ENTREP3: variants seen among roughly 807,000 people sequenced by gnomAD.
The protein encoded by ENTREP3 is protein ENTREP3.
At chr1:155,253,376 G>A in the ENTREP3 span, 17 of 506,688 alleles carry the variant, frequency 3.4e-5, no homozygotes, top group East Asian at 5.9e-4. Context: ...CCACCATCCA[G>A]TCCCATTCTC....
At chr1:155,247,934 G>T in the ENTREP3 span, 3 of 1,599,822 alleles carry the variant, frequency 1.9e-6, no homozygotes, top group Middle Eastern at 1.7e-4. Context: ...CGGCCAGGCC[G>T]GCCCCACAGG....
chr1:155,249,237 C>T, the ENTREP3 span, among the ~76,000 whole-genome samples: 12 of 151,596 alleles, frequency 7.9e-5, no homozygotes, highest in African/African-American at 1.5e-4. Flanking sequence ...ATTACAGGCG[C>T]GCTCCACCAC....
chr1:155,254,146 C>T, the ENTREP3 span: 1 of 1,614,078 alleles, frequency 6.2e-7, no homozygotes, highest in South Asian at 1.1e-5. This position sits in a 1 kb window ranked among gnomAD's most constrained non-coding sequence, Gnocchi z 4.4. Flanking sequence ...ACAGAGCCAG[C>T]CATGCTAAGC....
the ENTREP3 span, chr1:155,254,194 T>A: frequency 1.9e-6 from 3 of 1,607,824 alleles, no homozygotes; most frequent in Non-Finnish European, 2.6e-6. This position sits in a 1 kb window ranked among gnomAD's most constrained non-coding sequence, Gnocchi z 4.4. Context: ...AAGAAGGAGA[T>A]CTGGGGAAAA....
At chr1:155,255,223 G>T in the ENTREP3 span, 1 of 398,902 alleles carries the variant, frequency 2.5e-6, no homozygotes, top group South Asian at 3.3e-5. The surrounding 1 kb of genome is among the most constrained non-coding windows in gnomAD (Gnocchi z 5.6). Context: ...CGGCGGCCTG[G>T]AGCCCAGGGA....
At chr1:155,248,844 A>T in the ENTREP3 span, among the ~76,000 whole-genome samples, 1 of 151,418 alleles carries the variant, frequency 6.6e-6, no homozygotes, top group African/African-American at 2.4e-5. Context: ...CCTCCCTAGT[A>T]GCTGGGATTA....
chr1:155,251,583 G>A, the ENTREP3 span: 6 of 1,613,890 alleles, frequency 3.7e-6, no homozygotes, highest in Non-Finnish European at 5.1e-6. Context: ...GGCTGTCCAT[G>A]GAGCCATTGT....
the ENTREP3 span, among the ~76,000 whole-genome samples, chr1:155,249,279 T>G: frequency 6.8e-6 from 1 of 146,932 alleles, no homozygotes; most frequent in African/African-American, 2.5e-5. Context: ...TTAGTAGAGA[T>G]AGGGTTTCAC....
At chr1:155,254,332 A>G in the ENTREP3 span, 3 of 1,568,382 alleles carry the variant, frequency 1.9e-6, no homozygotes, top group Non-Finnish European at 2.6e-6. This position sits in a 1 kb window ranked among gnomAD's most constrained non-coding sequence, Gnocchi z 4.4. Flanking sequence ...CTTCTTGAGG[A>G]CATAAATGGG....
chr1:155,254,845 C>A, the ENTREP3 span: 23 of 1,589,916 alleles, frequency 1.4e-5, no homozygotes, highest in East Asian at 4.8e-4. This position sits in a 1 kb window ranked among gnomAD's most constrained non-coding sequence, Gnocchi z 4.4. Context: ...GGCTGGTCAG[C>A]GAGCGGCTGG....
the ENTREP3 span, chr1:155,253,631 C>CA: frequency 6.2e-6 from 10 of 1,612,296 alleles, no homozygotes; most frequent in South Asian, 1.1e-5. Context: ...TCACCGTATG[C>CA]ACGAGGTCCA....
chr1:155,250,440 C>A, the ENTREP3 span: 2 of 1,485,342 alleles, frequency 1.3e-6, no homozygotes, highest in African/African-American at 1.4e-5. This position sits in a 1 kb window ranked among gnomAD's most constrained non-coding sequence, Gnocchi z 5.4. Context: ...TGCGGCTGGG[C>A]GGCCCCCTCC....
the ENTREP3 span, chr1:155,254,219 A>C: frequency 6.3e-7 from 1 of 1,578,134 alleles, no homozygotes; most frequent in Non-Finnish European, 8.7e-7. This position sits in a 1 kb window ranked among gnomAD's most constrained non-coding sequence, Gnocchi z 4.4. Flanking sequence ...GTGCAGACTC[A>C]GGGCTGGGAC....
At chr1:155,252,121 T>G in the ENTREP3 span, 1 of 454,392 alleles carries the variant, frequency 2.2e-6, no homozygotes, top group African/African-American at 2.1e-5. Flanking sequence ...AAATTCCTCT[T>G]TATGGCCCCA....
chr1:155,248,385 G>A, the ENTREP3 span: 5 of 1,614,112 alleles, frequency 3.1e-6, no homozygotes, highest in Non-Finnish European at 4.2e-6. Flanking sequence ...CATCCCTGGG[G>A]CGCAAACCAC....
the ENTREP3 span, chr1:155,253,644 G>A: frequency 8.7e-6 from 14 of 1,613,798 alleles, no homozygotes; most frequent in Non-Finnish European, 1.2e-5. Context: ...GAGGTCCAGG[G>A]AGAAGATTTG....
the ENTREP3 span, chr1:155,253,799 T>A: frequency 6.2e-7 from 1 of 1,609,422 alleles, no homozygotes; most frequent in Non-Finnish European, 8.5e-7. Context: ...GGCCTGTGAG[T>A]ACCCCAGCAG....
At chr1:155,252,056 C>G in the ENTREP3 span, 1 of 559,278 alleles carries the variant, frequency 1.8e-6, no homozygotes, top group Non-Finnish European at 3.0e-6. Flanking sequence ...CCAAAATCAG[C>G]TCTCCTTAAC....
chr1:155,251,919 G>A, the ENTREP3 span: 5 of 1,423,216 alleles, frequency 3.5e-6, no homozygotes, highest in South Asian at 1.7e-5. Context: ...CTGGGGAAGC[G>A]AGCAGGTCAG....
Sources: gnomAD v4.1 joint callset for allele counts (sites outside exome capture counted in the v4.1 genomes callset) on GRCh38, gnomAD v4.1.1 for gene constraint, Gnocchi (gnomAD v3.1) non-coding constraint, MANE v1.5 for transcripts, NCBI Gene and HGNC (gene_info 2026-07-23, HGNC 2026-07-21) for gene names.